Variants in SLC41A3 observed in about 807,000 individuals in gnomAD.
The protein encoded by SLC41A3 is solute carrier family 41 member 3.
In SLC41A3, 44 loss-of-function variants were observed where a neutral mutation model predicts 45.4. That is an observed-to-expected ratio of 0.97 (90% CI 0.76 to 1.25). SLC41A3 has a LOEUF of 1.25. Ranked by LOEUF, SLC41A3 falls within the 50% of genes most tolerant of loss-of-function variation. The pLI is 0.00. For synonymous variants in SLC41A3, 256 were observed against 252.4 expected, an observed-to-expected ratio of 1.01 and a Z score of -0.13; for missense variants, 550 against 600.6, an observed-to-expected ratio of 0.92 and a Z score of 0.88.
At chr3:126,036,303 C>G (rs1480924031) in intron 3 of SLC41A3, among the ~76,000 whole-genome samples, 1 of 152,222 alleles carries the variant, frequency 6.6e-6, no homozygotes, top group East Asian at 1.9e-4. Flanking sequence ...AGGATGGCAT[C>G]AACAAGCTCA....
chr3:126,019,174 G>A (rs1296264073), intron 6 of SLC41A3, among the ~76,000 whole-genome samples: 2 of 152,182 alleles, frequency 1.3e-5, no homozygotes, highest in Non-Finnish European at 2.9e-5. Context: ...ACCACATGGC[G>A]AGGGAACCGA....
intron 3 of SLC41A3, among the ~76,000 whole-genome samples, chr3:126,039,895 A>G (rs1420385223): frequency 6.6e-6 from 1 of 152,232 alleles, no homozygotes; most frequent in Non-Finnish European, 1.5e-5. Context: ...CAGTGCACTG[A>G]GAGGAACTAG....
chr3:126,048,971 T>C (rs959681906), intron 3 of SLC41A3, among the ~76,000 whole-genome samples: 38 of 152,098 alleles, frequency 2.5e-4, no homozygotes, highest in African/African-American at 8.2e-4. Context: ...GTTATGATAA[T>C]GTGTCTGCTC....
intron 1 of SLC41A3, among the ~76,000 whole-genome samples, chr3:126,075,858 G>C (rs1667499571): frequency 6.6e-6 from 1 of 152,114 alleles, no homozygotes; most frequent in Non-Finnish European, 1.5e-5. Flanking sequence ...TTAAACATAA[G>C]AGCTAAAACT....
Position 126,068,033 on chromosome 3 carries a change from AG to A in SLC41A3, c.186del (p.Trp63GlyfsTer3). The A allele has an allele frequency of 3.1e-6, 5 of 1,613,982 alleles. No homozygotes were observed. Among genetic ancestry groups the A allele is most frequent in the Non-Finnish European group, 4.2e-6 (5 of 1,179,992 alleles). On this transcript the variant is annotated frameshift_variant, in exon 2 of 11. Coordinates refer to ENST00000360370, the MANE Select transcript of SLC41A3 (RefSeq NM_017836.4). LOFTEE classifies it high-confidence loss of function. ...ACGGTCACCTGAAGGCCTATGGACC[AG>A]GTGGTCTCCCTGCTAGGCTCAGTCT... ...PLETEPSRET[T>X]WSIGLQVTVP...
At chr3:126,044,295 C>A (rs1242073635) in intron 3 of SLC41A3, among the ~76,000 whole-genome samples, 1 of 152,094 alleles carries the variant, frequency 6.6e-6, no homozygotes, top group Non-Finnish European at 1.5e-5. Flanking sequence ...CATCAAAGTT[C>A]CCAAAATACA....
upstream of SLC41A3, chr3:126,084,551 C>A (rs1046424267): frequency 1.3e-5 from 2 of 152,176 alleles, no homozygotes; most frequent in Non-Finnish European, 2.9e-5. Context: ...CCCACACATG[C>A]CTTTCGTTTT....
intron 2 of SLC41A3, chr3:126,056,453 C>T: frequency 1.2e-6 from 2 of 1,614,244 alleles, no homozygotes; most frequent in Non-Finnish European, 1.7e-6. Context: ...AAGAAAGATT[C>T]AGGCAAGACC....
At chr3:126,085,149 C>T (rs951055891), upstream of SLC41A3, among the ~76,000 whole-genome samples, 2 of 152,168 alleles carry the variant, frequency 1.3e-5, no homozygotes, top group African/African-American at 4.8e-5. Context: ...AACCACCCTC[C>T]CCCTCTTTGA....
intron 2 of SLC41A3, among the ~76,000 whole-genome samples, chr3:126,064,585 G>C (rs897414899): frequency 1.3e-5 from 2 of 152,102 alleles, no homozygotes; most frequent in Non-Finnish European, 2.9e-5. Context: ...CACCAGCAGA[G>C]TAAAGAGGAG....
chr3:126,090,109 C>T (rs750473184), intron 1 of SLC41A3, among the ~76,000 whole-genome samples: 9 of 144,212 alleles, frequency 6.2e-5, no homozygotes, highest in Non-Finnish European at 1.3e-4. Flanking sequence ...TCTAAGTTCT[C>T]CAAAATCTGG....
chr3:126,045,241 A>G (rs1453304163), intron 3 of SLC41A3, among the ~76,000 whole-genome samples: 1 of 151,944 alleles, frequency 6.6e-6, no homozygotes, highest in Non-Finnish European at 1.5e-5. Flanking sequence ...AGAGCAAACT[A>G]AACCTAAAGT....
At chr3:126,058,572 A>G (rs1037432994) in intron 2 of SLC41A3, among the ~76,000 whole-genome samples, 2 of 150,910 alleles carry the variant, frequency 1.3e-5, no homozygotes, top group African/African-American at 4.9e-5. Flanking sequence ...GCTGTCCCCC[A>G]CTCCTGCCCA....
intron 1 of SLC41A3, among the ~76,000 whole-genome samples, chr3:126,089,679 T>C (rs953438400): frequency 6.6e-6 from 1 of 152,212 alleles, no homozygotes; most frequent in African/African-American, 2.4e-5. Context: ...TACTTCCCAA[T>C]GACAAAAACT....
intron 1 of SLC41A3, among the ~76,000 whole-genome samples, chr3:126,072,578 C>G (rs1944676876): frequency 1.3e-5 from 2 of 152,052 alleles, no homozygotes; most frequent in African/African-American, 4.8e-5. Context: ...ATTGGAAAAG[C>G]CACCAGTCAG....
chr3:126,067,093 G>GCGCGCGCACCCCCCCCC (rs1559877784), intron 2 of SLC41A3, among the ~76,000 whole-genome samples: 1 of 74,508 alleles, frequency 1.3e-5, no homozygotes, highest in African/African-American at 4.6e-5. Flanking sequence ...GGGTTGGACC[G>GCGCGCGCACCCCCCCCC]CCCCCCCGCC....
At chr3:126,063,949 A>ACCCCCCC (rs56806357) in intron 2 of SLC41A3, among the ~76,000 whole-genome samples, 3,163 of 97,948 alleles carry the variant, frequency 0.032, 235 homozygotes, top group East Asian at 0.092. Flanking sequence ...GCCAGATCCA[A>ACCCCCCC]CCCCCCCCCG....
chr3:126,097,908 C>A (rs1945635584), intron 1 of SLC41A3, among the ~76,000 whole-genome samples: 1 of 152,206 alleles, frequency 6.6e-6, no homozygotes, highest in Admixed American at 6.5e-5. Flanking sequence ...GTACCAGTTC[C>A]TGTAGACTAG....
chr3:126,043,450 AAAATATAATATTCTCC>A (rs1942724233), intron 3 of SLC41A3, among the ~76,000 whole-genome samples: 1 of 152,168 alleles, frequency 6.6e-6, no homozygotes, highest in African/African-American at 2.4e-5. Flanking sequence ...AAGCCAAATG[AAAATATAATATTCTCC>A]AATAAAGGTA....
Sources: allele counts gnomAD v4.1 joint callset (sites outside exome capture counted in the v4.1 genomes callset), GRCh38; gene constraint gnomAD v4.1.1; transcripts MANE v1.5; gene names NCBI Gene and HGNC (gene_info 2026-07-23, HGNC 2026-07-21).